GEMIN4: variants seen among roughly 807,000 people sequenced by gnomAD.
The protein encoded by GEMIN4 is gem-associated protein 4.
In GEMIN4, 59 loss-of-function variants were observed where a neutral mutation model predicts 76.8. The observed-to-expected ratio is 0.77, with a 90% CI of 0.62 to 0.95. The LOEUF (loss-of-function observed/expected upper bound fraction) is 0.95, where lower values mean the gene tolerates loss of function less well. GEMIN4 is among the 40% of genes least tolerant of loss of function. The pLI, the probability that GEMIN4 is intolerant of heterozygous loss-of-function variation, is 0.00. For synonymous variants in GEMIN4, 562 were observed against 559.7 expected, an observed-to-expected ratio of 1.00 and a Z score of -0.06; for missense variants, 1,311 against 1,318.9, an observed-to-expected ratio of 0.99 and a Z score of 0.09.
rs1385708887 is a variant in GEMIN4, at chr17:747,415, A to T, written c.628T>A (p.Cys210Ser). ...ATGGCCAACAGGGGCATGGTGGGGCACGCGTCTGGGTCTGACCTAAGCCTC... is the reference window on the plus strand; with the variant it reads ...ATGGCCAACAGGGGCATGGTGGGGCTCGCGTCTGGGTCTGACCTAAGCCTC... Reference protein sequence around the residue: ...PKRLRSDPDACPTMPLLAMLL... With the variant: ...PKRLRSDPDASPTMPLLAMLL... Residue 210 changes from cysteine to serine, a missense_variant, in exon 2 of 2, where the codon TGC becomes AGC. By Grantham distance (112) the Cys-to-Ser change is moderately radical. Transcript: ENST00000319004. 6.8e-6 allele frequency: 11 copies of T among 1,613,706 alleles called. No homozygotes were observed. Among genetic ancestry groups the T allele is most frequent in the Non-Finnish European group, 8.5e-6 (10 of 1,179,876 alleles).
chr17:750,260 G>C (rs991637903), intron 1 of GEMIN4, among the ~76,000 whole-genome samples: 2 of 152,136 alleles, frequency 1.3e-5, no homozygotes, highest in Admixed American at 6.5e-5. Context: ...TGCATATGTG[G>C]GGATAATACA....
At position 746,794 on chromosome 17, in the gene GEMIN4, G is replaced by A. The variant is rs370614163; in HGVS notation, c.1249C>T (p.Arg417Cys). 5.3e-5 allele frequency: 85 copies of A among 1,613,612 alleles called. No homozygotes were observed. Among genetic ancestry groups the A allele is most frequent in the Non-Finnish European group, 6.0e-5 (71 of 1,179,804 alleles). Residue 417 changes from arginine (R) to cysteine (C), a missense_variant, in exon 2 of 2, where the codon CGC becomes TGC. Physicochemically the swap from Arg to Cys is radical, Grantham distance 180. Coordinates refer to ENST00000319004, the MANE Select transcript of GEMIN4 (RefSeq NM_015721.3). The surrounding 1 kb of genome is among the most constrained non-coding windows in gnomAD (Gnocchi z 4.3). Reference protein sequence around the residue: ...AMAVIQQKMDRHMEVCYIFAS... With the variant: ...AMAVIQQKMDCHMEVCYIFAS... ...AAAATGTAGCACACTTCCATATGGC[G>A]GTCCATCTTCTGCTGGATGACGGCC...
upstream of GEMIN4, chr17:754,035 A>G (rs2144220153): frequency 1.3e-5 from 2 of 152,416 alleles, no homozygotes; most frequent in Admixed American, 1.3e-4. Flanking sequence ...AGAACACAGC[A>G]GTTTAGAAAC....
In GEMIN4 at chr17:746,349, C is replaced by A; in HGVS notation, c.1694G>T (p.Cys565Phe). 2 of 1,613,810 alleles carry A rather than the reference C, an allele frequency of 1.2e-6. No individual in the cohort carries two copies. The highest frequency in any genetic ancestry group is 1.7e-6 in the Non-Finnish European group (2 of 1,179,886). The stretch of plus-strand genomic sequence containing the variant: ...GCCGAGATTGACCACAGCCAGGCTG[C>A]ACATTTTCTTCACCGTGACTTCCGG... ...VHPEVTVKKM[C>F]SLAVVNLGTH... The change falls in exon 2 of 2, where the codon TGC becomes TTC. Residue 565 changes from cysteine to phenylalanine, a missense_variant. Coordinates refer to ENST00000319004, the MANE Select transcript of GEMIN4 (RefSeq NM_015721.3). This position sits in a 1 kb window ranked among gnomAD's most constrained non-coding sequence, Gnocchi z 4.3.
At position 752,149 on chromosome 17, in the gene GEMIN4, G is replaced by A. The variant is rs1436266785; in HGVS notation, c.-7C>T. 5.7e-6 allele frequency: 7 copies of A among 1,236,782 alleles called. No individual in the cohort carries two copies. Among genetic ancestry groups the A allele is most frequent in the Non-Finnish European group, 7.1e-6 (7 of 990,054 alleles). The allele number at this position is 1,236,782 out of a possible 1,614,324, so 76.6% of individuals were successfully genotyped here. ...GGCACCCACCTAGGTCCATGGCGGCGACGCCGGCGGCTGCGCGGGGCTAAC... is the reference window on the plus strand; with the variant it reads ...GGCACCCACCTAGGTCCATGGCGGCAACGCCGGCGGCTGCGCGGGGCTAAC... On this transcript the variant is annotated 5_prime_UTR_variant, in exon 1 of 2. Transcript: ENST00000319004.
chr17:750,079 G>T, intron 1 of GEMIN4: 1 of 767,958 alleles, frequency 1.3e-6, no homozygotes, highest in Non-Finnish European at 1.6e-6. Context: ...ATTCTGGCCA[G>T]GTTCAGTGGC....
intron 1 of GEMIN4, among the ~76,000 whole-genome samples, chr17:750,712 G>C (rs548119492): frequency 6.6e-6 from 1 of 152,238 alleles, no homozygotes; most frequent in African/African-American, 2.4e-5. Context: ...GACACCAGCA[G>C]AGAAAACACT....
In GEMIN4 at chr17:745,408, G is replaced by A; in HGVS notation, c.2635C>T (p.Leu879=). 1.9e-6 allele frequency: 3 copies of A among 1,613,120 alleles called. No homozygotes were observed. The highest frequency in any genetic ancestry group is 2.5e-6 in the Non-Finnish European group (3 of 1,179,830). Residue 879 remains leucine, a synonymous_variant, in exon 2 of 2, where the codon CTG becomes TTG. Transcript: ENST00000319004. The surrounding 1 kb of genome is among the most constrained non-coding windows in gnomAD (Gnocchi z 4.6). The part of the protein sequence containing the change: ...WQRLHQLTRR[L]LEKQLLHVPY... The stretch of plus-strand genomic sequence containing the variant: ...ACATGGAGGAGCTGCTTCTCCAGCA[G>A]TCTCCTGGTCAGCTGGTGAAGGCGC...
rs759679285 is a variant in GEMIN4 at position 747,062 on chromosome 17, C to A, written c.981G>T (p.Trp327Cys). Residue 327 changes from tryptophan (W) to cysteine (C), a missense_variant, in exon 2 of 2, where the codon TGG becomes TGT. Transcript: ENST00000319004. ...GGAGCACGGCCTGCAACTCCTCCCC[C>A]CACTCCCGCAGCAGGTGGTGCAGGA... ...CEFLHHLLRE[W>C]GEELQAVLRS... The A allele has an allele frequency of 8.1e-6, 13 of 1,613,516 alleles. No homozygotes were observed. The highest frequency in any genetic ancestry group is 1.1e-5 in the Non-Finnish European group (13 of 1,179,886).
rs369915879 is a variant in GEMIN4 at position 747,210 on chromosome 17, G to A, written c.833C>T (p.Ser278Leu). The change falls in exon 2 of 2, where the codon TCG becomes TTG. Residue 278 changes from serine to leucine, a missense_variant. By Grantham distance (145) the Ser-to-Leu change is moderately radical. Around this residue, in one of 2 missense-constraint regions of GEMIN4, gnomAD observed 1,208 missense variants for 1,166.9 expected, o/e 1.04. Coordinates refer to ENST00000319004, the MANE Select transcript of GEMIN4 (RefSeq NM_015721.3). ...KLATVISVWN[S>L]DTQNPYHQQA... is the part of the protein sequence containing the mutation. ...CTGGTGGTAGGGATTCTGGGTGTCC[G>A]AGTTCCACACAGAGATCACCGTGGC... 5.6e-6 allele frequency: 9 copies of A among 1,613,702 alleles called. No individual in the cohort carries two copies. Among genetic ancestry groups the A allele is most frequent in the Admixed American group, 3.3e-5 (2 of 59,996 alleles).
In GEMIN4 at chr17:747,863, G is replaced by T. The variant is rs1567780293; in HGVS notation, c.180C>A (p.Ser60=). The change falls in exon 2 of 2, where the codon TCC becomes TCA. Residue 60 remains serine (S), a synonymous_variant. Transcript: ENST00000319004. The stretch of plus-strand genomic sequence containing the variant: ...CTTTCTTCTTCCAGGCAAAGGGCTG[G>T]GAGTGTGCTGCAGCCGAGGAGATCT... ...LREISSAAAH[S]QPFAWKKKAL... 1.2e-6 allele frequency: 2 copies of T among 1,613,874 alleles called. No individual in the cohort carries two copies. The highest frequency in any genetic ancestry group is 4.5e-5 in the East Asian group (2 of 44,862).
rs1974454274 is a variant in GEMIN4 at position 747,061 on chromosome 17, C to T, written c.982G>A (p.Gly328Arg). ...EFLHHLLREW[G>R]EELQAVLRSS... is the part of the protein sequence containing the mutation. The stretch of plus-strand genomic sequence containing the variant: ...CGGAGCACGGCCTGCAACTCCTCCC[C>T]CCACTCCCGCAGCAGGTGGTGCAGG... The change falls in exon 2 of 2, where the codon GGG (glycine) becomes AGG (arginine). Residue 328 changes from glycine (G) to arginine (R), a missense_variant. Physicochemically the swap from Gly to Arg is moderately radical, Grantham distance 125. Coordinates refer to ENST00000319004, the MANE Select transcript of GEMIN4 (RefSeq NM_015721.3). The T allele has an allele frequency of 1.9e-6, 3 of 1,613,620 alleles. No individual in the cohort carries two copies. The highest frequency in any genetic ancestry group is 2.5e-6 in the Non-Finnish European group (3 of 1,179,876).
intron 1 of GEMIN4, 84 bp downstream of exon 1, chr17:752,049 G>T: frequency 3.2e-6 from 3 of 947,664 alleles, no homozygotes; most frequent in African/African-American, 1.7e-5. Flanking sequence ...GAGCGTGCGC[G>T]ACAGGAGGAG....
In GEMIN4 at chr17:745,377, T is replaced by C. The variant is rs1974353907; in HGVS notation, c.2666A>G (p.Tyr889Cys). 6.2e-7 allele frequency: 1 copy of C among 1,613,132 alleles called. No homozygotes were observed. Among genetic ancestry groups the C allele is most frequent in the Non-Finnish European group, 8.5e-7 (1 of 1,179,842 alleles). ...AACAAACTGAATATATTCCAGGCTA[T>C]AAGGGACATGGAGGAGCTGCTTCTC... The part of the protein sequence containing the change: ...LLEKQLLHVP[Y>C]SLEYIQFVPL... Residue 889 changes from tyrosine (Y) to cysteine (C), a missense_variant, in exon 2 of 2, where the codon TAT (tyrosine) becomes TGT (cysteine). Transcript: ENST00000319004. This position sits in a 1 kb window ranked among gnomAD's most constrained non-coding sequence, Gnocchi z 4.6.
At position 747,749 on chromosome 17, in the gene GEMIN4, G is replaced by C. The variant is rs761883051; in HGVS notation, c.294C>G (p.Phe98Leu). 1 of 1,613,640 alleles carries C rather than the reference G, an allele frequency of 6.2e-7. No individual in the cohort carries two copies. Among genetic ancestry groups the C allele is most frequent in the South Asian group, 1.1e-5 (1 of 91,036 alleles). The part of the protein sequence containing the change: ...TETRWQEDLF[F>L]SVGNMIPTIN... Reference sequence around the variant, plus strand: ...TGGTGGGGATCATGTTGCCCACCGAGAAGAACAGGTCTTCCTGCCACCGTG... The same window carrying C: ...TGGTGGGGATCATGTTGCCCACCGACAAGAACAGGTCTTCCTGCCACCGTG... The change falls in exon 2 of 2, where the codon TTC (phenylalanine) becomes TTG (leucine). Residue 98 changes from phenylalanine (F) to leucine (L), a missense_variant. Physicochemically the swap from Phe to Leu is conservative, Grantham distance 22. Transcript: ENST00000319004.
chr17:747,857 G>C lies in GEMIN4; in HGVS notation c.186C>G (p.Pro62=). 6.2e-7 allele frequency: 1 copy of C among 1,613,876 alleles called. No homozygotes were observed. Among genetic ancestry groups the C allele is most frequent in the Non-Finnish European group, 8.5e-7 (1 of 1,179,874 alleles). ...TCAGGGCTTTCTTCTTCCAGGCAAA[G>C]GGCTGGGAGTGTGCTGCAGCCGAGG... is the stretch of plus-strand genomic sequence containing the variant. The part of the protein sequence containing the change: ...EISSAAAHSQ[P]FAWKKKALII... The change falls in exon 2 of 2, where the codon CCC becomes CCG. Residue 62 remains proline, a synonymous_variant. Coordinates refer to ENST00000319004, the MANE Select transcript of GEMIN4 (RefSeq NM_015721.3).
rs776983309 is a variant in GEMIN4 at position 745,598 on chromosome 17, G to A, written c.2445C>T (p.Leu815=). ...CGCAGCAGCACTCCATCCAGGCCAG[G>A]AGCCCCGTGCCAGCCCCGTACCCTG... ...AHPGYGAGTG[L]LAWMECCCVS... is the part of the protein sequence containing the mutation. Residue 815 remains leucine, a synonymous_variant, in exon 2 of 2, where the codon CTC becomes CTT. Transcript: ENST00000319004. This position sits in a 1 kb window ranked among gnomAD's most constrained non-coding sequence, Gnocchi z 4.6. 16 of 1,610,226 alleles carry A rather than the reference G, an allele frequency of 9.9e-6. No homozygotes were observed. Among genetic ancestry groups the A allele is most frequent in the Non-Finnish European group, 1.2e-5 (14 of 1,178,822 alleles).
upstream of GEMIN4, chr17:752,548 A>C: frequency 2.0e-6 from 1 of 512,568 alleles, no homozygotes; most frequent in South Asian, 8.9e-5. Context: ...CTCCCCCGGG[A>C]CGCCCACCAC....
In GEMIN4 at chr17:752,106, C is replaced by T. The variant is rs1403168149; in HGVS notation, c.10+27G>A. On this transcript the variant is annotated intron_variant, in intron 1 of 1. Coordinates refer to ENST00000319004, the MANE Select transcript of GEMIN4 (RefSeq NM_015721.3). The stretch of plus-strand genomic sequence containing the variant: ...CTGGTGGCGCATTGCTGGACGCAGC[C>T]CGGGGCCGGGGAGCCGCGGCACCCA... 3 of 1,232,006 alleles carry T rather than the reference C, an allele frequency of 2.4e-6. No homozygotes were observed. The African/African-American group carries it at 4.7e-5, about 19-fold the overall frequency. 76.3% of individuals were successfully genotyped at this position (1,232,006 alleles called of 1,614,324 possible).
Sources: gnomAD v4.1 joint callset for allele counts (sites outside exome capture counted in the v4.1 genomes callset) on GRCh38, gnomAD v4.1.1 for gene constraint, gnomAD v4.1.1 regional missense constraint, Gnocchi (gnomAD v3.1) non-coding constraint, MANE v1.5 for transcripts, NCBI Gene and HGNC (gene_info 2026-07-23, HGNC 2026-07-21) for gene names.